Variants in ACYP2 observed in about 807,000 individuals in gnomAD.
ACYP2 encodes the protein acylphosphatase 2.
A neutral mutation model predicts 11.2 loss-of-function variants in ACYP2; 12 were observed. That is an observed-to-expected ratio of 1.08 (90% CI 0.69 to 1.74). The LOEUF is 1.74. ACYP2 is among the 40% of genes most tolerant of loss of function. The pLI is 0.00. For missense variants in ACYP2, 134 were observed against 101.9 expected (o/e 1.31, Z -1.35); for synonymous variants, 43 against 32.2 (o/e 1.33, Z -1.13).
At chr2:54,270,802 G>A (rs1489699153) in intron 6 of ACYP2, among the ~76,000 whole-genome samples, 1 of 152,102 alleles carries the variant, frequency 6.6e-6, no homozygotes, top group Non-Finnish European at 1.5e-5. Flanking sequence ...GACTAGAGCA[G>A]CATCATAAGT....
intron 4 of ACYP2, among the ~76,000 whole-genome samples, chr2:54,134,010 A>G (rs1454086190): frequency 6.6e-6 from 1 of 152,224 alleles, no homozygotes; most frequent in Admixed American, 6.5e-5. Flanking sequence ...CATGGTCTAG[A>G]TAGGGAAAAC....
At chr2:54,097,828 G>C (rs1436945596) in intron 4 of ACYP2, among the ~76,000 whole-genome samples, 1 of 150,998 alleles carries the variant, frequency 6.6e-6, no homozygotes, top group Non-Finnish European at 1.5e-5. Flanking sequence ...TATACCTAAT[G>C]AATTAACAAT....
intron 2 of ACYP2, among the ~76,000 whole-genome samples, chr2:53,988,980 C>T (rs187418195): frequency 1.2e-4 from 18 of 152,118 alleles, no homozygotes; most frequent in African/African-American, 3.9e-4. Context: ...AACTCCTGAC[C>T]TCAGGTGAAC....
At chr2:54,118,476 A>G (rs1220123469) in intron 4 of ACYP2, among the ~76,000 whole-genome samples, 1 of 152,236 alleles carries the variant, frequency 6.6e-6, no homozygotes, top group Non-Finnish European at 1.5e-5. Flanking sequence ...TTTAACAAGG[A>G]CAAAACAGGT....
intron 2 of ACYP2, among the ~76,000 whole-genome samples, chr2:54,003,587 T>G (rs868154761): frequency 6.6e-6 from 1 of 152,208 alleles, no homozygotes; most frequent in Non-Finnish European, 1.5e-5. Flanking sequence ...TAACACTGAA[T>G]AATGTTCAGT....
At chr2:54,049,837 G>A (rs1252244153) in intron 2 of ACYP2, among the ~76,000 whole-genome samples, 1 of 152,124 alleles carries the variant, frequency 6.6e-6, no homozygotes, top group Non-Finnish European at 1.5e-5. Context: ...CTTTCTTCCT[G>A]GCACTATACT....
intron 2 of ACYP2, among the ~76,000 whole-genome samples, chr2:54,006,071 T>A (rs1673048846): frequency 6.6e-6 from 1 of 152,100 alleles, no homozygotes; most frequent in South Asian, 2.1e-4. Flanking sequence ...GCAGGCTCAG[T>A]CTCCTGGGAT....
intron 3 of ACYP2, among the ~76,000 whole-genome samples, chr2:54,056,662 A>G (rs1167771982): frequency 1.3e-5 from 2 of 152,026 alleles, no homozygotes; most frequent in Non-Finnish European, 2.9e-5. Context: ...CAAATTATTT[A>G]TTTTTCCCAT....
chr2:54,108,868 T>A (rs918356), intron 4 of ACYP2, among the ~76,000 whole-genome samples: 47,758 of 152,124 alleles, frequency 0.31, 7,982 homozygotes, highest in African/African-American at 0.45. Context: ...ATTATAATGA[T>A]ATTTTCCTTT....
intron 4 of ACYP2, among the ~76,000 whole-genome samples, chr2:54,132,972 G>A (rs1174571388): frequency 6.6e-6 from 1 of 152,076 alleles, no homozygotes; most frequent in Non-Finnish European, 1.5e-5. Flanking sequence ...TTGAACTCCT[G>A]ACCTCAGGTG....
At chr2:53,994,028 C>T (rs930801549) in intron 2 of ACYP2, among the ~76,000 whole-genome samples, 2 of 151,676 alleles carry the variant, frequency 1.3e-5, no homozygotes, top group South Asian at 2.1e-4. Context: ...TACTAAAAAT[C>T]GTACAAAATA....
In ACYP2 at chr2:54,250,346, G is replaced by A. The variant is rs1009837539; in HGVS notation, c.405-54342G>A. Among the ~76,000 whole-genome samples, 4 of 152,134 alleles carry A rather than the reference G, an allele frequency of 2.6e-5. No homozygotes were observed. The East Asian group carries it at 5.8e-4, about 22-fold the overall frequency. On this transcript the variant is annotated intron_variant, in intron 6 of 6. Coordinates refer to ENST00000607452, the MANE Select transcript of ACYP2 (RefSeq NM_001320586.2). ...ACTTTAGCTCGGCGTGGTGGCGCAC[G>A]CCTGTAATCCCAGCTACTCAGGAGG...
intron 2 of ACYP2, among the ~76,000 whole-genome samples, chr2:54,009,329 T>C (rs1673242628): frequency 6.7e-6 from 1 of 150,366 alleles, no homozygotes; most frequent in African/African-American, 2.4e-5. Context: ...GAGGCCAAGG[T>C]TGACAGATCA....
At chr2:54,164,603 A>G (rs1217832780) in intron 6 of ACYP2, among the ~76,000 whole-genome samples, 1 of 152,222 alleles carries the variant, frequency 6.6e-6, no homozygotes, top group Non-Finnish European at 1.5e-5. Flanking sequence ...ATGAGAAGTT[A>G]AGAAAAATTA....
At chr2:54,153,648 G>A (rs1270890772) in intron 6 of ACYP2, among the ~76,000 whole-genome samples, 1 of 147,994 alleles carries the variant, frequency 6.8e-6, no homozygotes, top group African/African-American at 2.5e-5. Flanking sequence ...CACCCAGGCT[G>A]GAGTGCAGTG....
At chr2:54,160,015 G>C (rs995543878) in intron 6 of ACYP2, among the ~76,000 whole-genome samples, 2 of 152,164 alleles carry the variant, frequency 1.3e-5, no homozygotes, top group Non-Finnish European at 2.9e-5. Context: ...CGGCTGCTGT[G>C]AAAGGATGAC....
At chr2:54,274,503 C>T (rs843744) in intron 6 of ACYP2, among the ~76,000 whole-genome samples, 101,316 of 151,350 alleles carry the variant, frequency 0.67, 34,202 homozygotes, top group Admixed American at 0.73. Flanking sequence ...TAACCAGGTA[C>T]GGTGGTGCAC....
At chr2:54,047,854 T>TA (rs1450836516) in intron 2 of ACYP2, among the ~76,000 whole-genome samples, 1 of 152,196 alleles carries the variant, frequency 6.6e-6, no homozygotes. Flanking sequence ...CATACCACGA[T>TA]AAGAAATTGT....
intron 4 of ACYP2, among the ~76,000 whole-genome samples, chr2:54,077,624 C>G (rs992494585): frequency 6.6e-6 from 1 of 152,152 alleles, no homozygotes; most frequent in Non-Finnish European, 1.5e-5. Flanking sequence ...TGAGGATAGA[C>G]TGACCATTAG....
Sources: gnomAD v4.1 joint callset for allele counts (sites outside exome capture counted in the v4.1 genomes callset) on GRCh38, gnomAD v4.1.1 for gene constraint, MANE v1.5 for transcripts, NCBI Gene and HGNC (gene_info 2026-07-23, HGNC 2026-07-21) for gene names.